The following KLHL8 variants were observed in gnomAD, a reference collection of about 807,000 sequenced individuals.
KLHL8 encodes kelch like family member 8.
A neutral mutation model predicts 63.5 loss-of-function variants in KLHL8; 38 were observed. That is an observed-to-expected ratio of 0.60 (90% CI 0.46 to 0.78). KLHL8 has a LOEUF of 0.78. KLHL8 is among the 30% of genes least tolerant of loss of function. The probability of loss-of-function intolerance (pLI) is 0.00; values close to 1 mark genes in which losing one functional copy is unlikely to be tolerated. For missense variants in KLHL8, 566 were observed against 752.4 expected (o/e 0.75, Z 2.90); for synonymous variants, 224 against 254.3 (o/e 0.88, Z 1.13).
At chr4:87,171,965 A>G (rs1455149273) in intron 6 of KLHL8, among the ~76,000 whole-genome samples, 1 of 152,138 alleles carries the variant, frequency 6.6e-6, no homozygotes, top group Non-Finnish European at 1.5e-5. Context: ...TTTAATCTGA[A>G]ATGAAACTCA....
At position 87,195,368 on chromosome 4, in the gene KLHL8, G is replaced by A; in HGVS notation, c.172C>T (p.Leu58Phe). The change falls in exon 2 of 10, where the codon CTT (leucine) becomes TTT (phenylalanine). Residue 58 changes from leucine to phenylalanine, a missense_variant. Coordinates refer to ENST00000273963, the MANE Select transcript of KLHL8 (RefSeq NM_020803.5). ...AGTTCTCCATTTTCATAAAATCGAAGAAGAGAACCATGAAAATCTTTCCAA... is the reference window on the plus strand; with the variant it reads ...AGTTCTCCATTTTCATAAAATCGAAAAAGAGAACCATGAAAATCTTTCCAA... The part of the protein sequence containing the change: ...EAWKDFHGSL[L>F]RFYENGELCD... 1 of 1,613,214 alleles carries A rather than the reference G, an allele frequency of 6.2e-7. No individual in the cohort carries two copies. Among genetic ancestry groups the A allele is most frequent in the Non-Finnish European group, 8.5e-7 (1 of 1,179,890 alleles).
intron 1 of KLHL8, among the ~76,000 whole-genome samples, chr4:87,205,873 G>A (rs1163582456): frequency 1.3e-5 from 2 of 152,190 alleles, no homozygotes; most frequent in Non-Finnish European, 2.9e-5. Context: ...GCCAGGATGT[G>A]AACCTAGGCA....
intron 1 of KLHL8, 35 bp from the exon 2 acceptor site, chr4:87,195,725 C>T (rs1022823607): frequency 5.2e-5 from 24 of 464,504 alleles, no homozygotes; most frequent in African/African-American, 1.4e-4. Flanking sequence ...TAGAGACAAA[C>T]GAAAAGAAAA....
chr4:87,170,030 A>G, intron 8 of KLHL8, 49 bp downstream of exon 8: 2 of 1,433,698 alleles, frequency 1.4e-6, no homozygotes, highest in Non-Finnish European at 1.9e-6. Flanking sequence ...GTTATATGAC[A>G]CTTGTCATTG....
chr4:87,178,760 C>A, intron 4 of KLHL8, 140 bp from the exon 5 acceptor site: 1 of 802,858 alleles, frequency 1.2e-6, no homozygotes, highest in Non-Finnish European at 1.8e-6. Flanking sequence ...TACTAGAAAT[C>A]TAATAAAATT....
intron 1 of KLHL8, among the ~76,000 whole-genome samples, chr4:87,229,419 C>CTT (rs1299829511): frequency 1.2e-4 from 14 of 120,514 alleles, no homozygotes; most frequent in Non-Finnish European, 1.0e-4. Context: ...TATCTTTTTC[C>CTT]TTTTTTTTTT....
intron 1 of KLHL8, among the ~76,000 whole-genome samples, chr4:87,210,723 C>G (rs1377292836): frequency 6.6e-6 from 1 of 152,154 alleles, no homozygotes; most frequent in African/African-American, 2.4e-5. Context: ...TTTCCACATA[C>G]TTTAGGCTAT....
Position 87,226,599 on chromosome 4 carries a change from TATATATATTATTTATATAAATA to T in KLHL8, n.58-5231_58-5210del, listed in dbSNP as rs1286059252. Among the ~76,000 whole-genome samples the T allele has an allele frequency of 2.8e-3, 207 of 73,648 alleles. 4 individuals carry two copies. The highest frequency in any genetic ancestry group is 6.9e-3 in the East Asian group (14 of 2,030). 48.3% of individuals were successfully genotyped at this position (73,648 alleles called of 152,430 possible). The stretch of plus-strand genomic sequence containing the variant: ...TCTCTCTCTCTATATATATAAATAA[TATATATATTATTTATATAAATA>T]ATATATATTACTTATATAAATAATA... On this transcript the variant is annotated intron_variant and non_coding_transcript_variant, in intron 1 of 1. Coordinates refer to the KLHL8 transcript ENST00000506274.
intron 2 of KLHL8, among the ~76,000 whole-genome samples, chr4:87,193,794 T>C (rs753448834): frequency 4.6e-5 from 7 of 152,322 alleles, no homozygotes; most frequent in Non-Finnish European, 7.3e-5. Flanking sequence ...ATAGGAATTT[T>C]TCAGCTCCAT....
At chr4:87,180,911 CTA>C (rs1731026141) in intron 4 of KLHL8, among the ~76,000 whole-genome samples, 1 of 151,982 alleles carries the variant, frequency 6.6e-6, no homozygotes, top group Non-Finnish European at 1.5e-5. Flanking sequence ...GGGTATGTGC[CTA>C]TGATTCCAGC....
intron 1 of KLHL8, among the ~76,000 whole-genome samples, chr4:87,212,203 C>A (rs936258752): frequency 3.3e-5 from 5 of 152,256 alleles, no homozygotes; most frequent in Non-Finnish European, 7.4e-5. Context: ...GCTAAGATAT[C>A]CAAAATCTTT....
At chr4:87,175,086 C>T (rs1192417594) in intron 6 of KLHL8, among the ~76,000 whole-genome samples, 1 of 152,152 alleles carries the variant, frequency 6.6e-6, no homozygotes, top group Non-Finnish European at 1.5e-5. Context: ...TTATTACAAT[C>T]CATTTTTGTG....
rs780889731 is a variant in KLHL8 at position 87,163,614 on chromosome 4, A to T, written c.1768T>A (p.Cys590Ser). ...RWELVGSVSH[C>S]RAGAGVAVCS... ...ACAGCTACTCCTGCTCCAGCTCTGC[A>T]GTGAGACACAGATCCAACAAGCTCC... Residue 590 changes from cysteine (C) to serine (S), a missense_variant, in exon 10 of 10, where the codon TGC (cysteine) becomes AGC (serine). Physicochemically the swap from Cys to Ser is moderately radical, Grantham distance 112. Coordinates refer to ENST00000273963, the MANE Select transcript of KLHL8 (RefSeq NM_020803.5). 1.2e-6 allele frequency: 2 copies of T among 1,614,174 alleles called. No individual in the cohort carries two copies. The highest frequency in any genetic ancestry group is 2.2e-5 in the South Asian group (2 of 91,082).
intron 2 of KLHL8, among the ~76,000 whole-genome samples, chr4:87,192,971 C>T (rs1032337093): frequency 3.9e-5 from 6 of 151,934 alleles, no homozygotes; most frequent in Non-Finnish European, 5.9e-5. Context: ...TGAAGTGGCT[C>T]GGGGTGAATT....
At chr4:87,213,915 T>C (rs1416422929) in intron 1 of KLHL8, among the ~76,000 whole-genome samples, 1 of 152,204 alleles carries the variant, frequency 6.6e-6, no homozygotes, top group Admixed American at 6.5e-5. Flanking sequence ...GTGTTAATTG[T>C]GCAGCCTCGG....
intron 3 of KLHL8, among the ~76,000 whole-genome samples, chr4:87,184,668 A>T (rs566185737): frequency 6.6e-6 from 1 of 152,200 alleles, no homozygotes; most frequent in South Asian, 2.1e-4. Context: ...GGAAGACGAC[A>T]AAAGAAAAAA....
At chr4:87,213,862 G>A (rs936188725) in intron 1 of KLHL8, among the ~76,000 whole-genome samples, 4 of 152,144 alleles carry the variant, frequency 2.6e-5, no homozygotes, top group Non-Finnish European at 4.4e-5. Flanking sequence ...ATAAACTGGC[G>A]GTTAGCAGCA....
intron 2 of KLHL8, among the ~76,000 whole-genome samples, chr4:87,191,842 T>TACAAGTGGGA: frequency 6.6e-6 from 1 of 152,084 alleles, no homozygotes; most frequent in African/African-American, 2.4e-5. Flanking sequence ...AGTTCCCACT[T>TACAAGTGGGA]ACAAGTGGGA....
At chr4:87,189,761 C>T (rs28523549) in intron 2 of KLHL8, among the ~76,000 whole-genome samples, 12,050 of 152,060 alleles carry the variant, frequency 0.079, 649 homozygotes, top group Non-Finnish European at 0.12. Context: ...GCGCAGCTCA[C>T]GCCTGTAATC....
Sources: gnomAD v4.1 joint callset for allele counts (sites outside exome capture counted in the v4.1 genomes callset) on GRCh38, gnomAD v4.1.1 for gene constraint, MANE v1.5 for transcripts, NCBI Gene and HGNC (gene_info 2026-07-23, HGNC 2026-07-21) for gene names.